Variants in C1orf198 observed in about 807,000 individuals in gnomAD.
C1orf198 encodes the protein chromosome 1 open reading frame 198.
Under a neutral mutation model 31.4 loss-of-function variants are expected in C1orf198, and 17 were observed. The observed-to-expected ratio is 0.54, with a 90% CI of 0.37 to 0.81. C1orf198 has a LOEUF of 0.81. C1orf198 is among the 40% of genes least tolerant of loss of function. The pLI is 0.00. For missense variants in C1orf198, 401 were observed against 450.3 expected (o/e 0.89, Z 0.99); for synonymous variants, 175 against 193.8 (o/e 0.90, Z 0.81).
chr1:230,866,300 A>T (rs1182629485), intron 1 of C1orf198, among the ~76,000 whole-genome samples: 19 of 152,190 alleles, frequency 1.2e-4, no homozygotes, highest in Admixed American at 1.2e-3. Context: ...GTTAAAATTC[A>T]GGGTCTATCT....
chr1:230,869,564 T>C (rs1386253844), upstream of C1orf198: 1 of 152,226 alleles, frequency 6.6e-6, no homozygotes, highest in Non-Finnish European at 1.5e-5. Flanking sequence ...TCCAGGGTCT[T>C]TGCCTGGATA....
chr1:230,859,619 G>A (rs1006161405), intron 1 of C1orf198, among the ~76,000 whole-genome samples: 4 of 152,120 alleles, frequency 2.6e-5, no homozygotes, highest in African/African-American at 9.7e-5. Flanking sequence ...GCTATAGAAA[G>A]CCACCAGAAA....
intron 1 of C1orf198, among the ~76,000 whole-genome samples, chr1:230,864,827 G>A (rs1670081122): frequency 6.6e-6 from 1 of 152,132 alleles, no homozygotes. Context: ...AAGAAGATTG[G>A]GGGCAGGAGC....
chr1:230,863,400 CAGA>C lies in C1orf198; in HGVS notation c.333+4777_333+4779del, dbSNP rs145494789. On this transcript the variant is annotated intron_variant, in intron 1 of 3. Coordinates refer to ENST00000366663, the MANE Select transcript of C1orf198 (RefSeq NM_032800.3). The stretch of plus-strand genomic sequence containing the variant: ...TAGGTCTCATCTTCCTTCATTTATT[CAGA>C]AGAAGAAGAAGAAGAAATAGATATT... Among the ~76,000 whole-genome samples, 71 of 152,226 alleles carry C rather than the reference CAGA, an allele frequency of 4.7e-4. No individual in the cohort carries two copies. The East Asian group carries it at 7.5e-3, about 16-fold the overall frequency.
chr1:230,837,961 T>G lies in C1orf198; in HGVS notation c.*1891A>C, dbSNP rs3748771. 13,210 of 152,302 alleles carry G rather than the reference T, an allele frequency of 0.087. 1,544 individuals are homozygous for G. The highest frequency in any genetic ancestry group is 0.27 in the African/African-American group (11,070 of 41,524). The allele number at this position is 152,302 out of a possible 1,614,324, so 9.4% of individuals were successfully genotyped here. ...CTCCCAATAGAAGAGGCAGATCACC[T>G]TGGCCTACTCTCTAGGACACAGGTC... On this transcript the variant is annotated 3_prime_UTR_variant, in exon 4 of 4. Coordinates refer to ENST00000366663, the MANE Select transcript of C1orf198 (RefSeq NM_032800.3).
chr1:230,845,861 A>G (rs1352264486), intron 2 of C1orf198, among the ~76,000 whole-genome samples: 1 of 152,120 alleles, frequency 6.6e-6, no homozygotes, highest in African/African-American at 2.4e-5. Context: ...AACCATTTTC[A>G]TATATGTGTT....
At chr1:230,855,787 G>A (rs750210292) in intron 1 of C1orf198, 69 bp from the exon 2 acceptor site, 1 of 1,564,388 alleles carries the variant, frequency 6.4e-7, no homozygotes, top group Non-Finnish European at 8.7e-7. Context: ...TATCCACCCA[G>A]GACCGTGGGG....
chr1:230,844,591 C>T (rs1022480839), intron 2 of C1orf198, among the ~76,000 whole-genome samples: 4 of 152,228 alleles, frequency 2.6e-5, no homozygotes, highest in African/African-American at 9.7e-5. Flanking sequence ...TGAGTATTAC[C>T]GATGAGTAAG....
In C1orf198 at chr1:230,838,415, G is replaced by C. The variant is rs1465462393; in HGVS notation, c.*1437C>G. ...CACAGCTTTGGCAGAAACTTTCCTG[G>C]AGATGATGAGGGGTTGAGGTGAGTT... On this transcript the variant is annotated 3_prime_UTR_variant, in exon 4 of 4. Coordinates refer to ENST00000366663, the MANE Select transcript of C1orf198 (RefSeq NM_032800.3). This position sits in a 1 kb window ranked among gnomAD's most constrained non-coding sequence, Gnocchi z 4.2. The C allele has an allele frequency of 6.6e-6, 1 of 152,510 alleles. No homozygotes were observed. The highest frequency in any genetic ancestry group is 1.9e-4 in the East Asian group (1 of 5,192). The allele number at this position is 152,510 out of a possible 1,614,324, so 9.4% of individuals were successfully genotyped here.
intron 2 of C1orf198, among the ~76,000 whole-genome samples, chr1:230,852,360 C>T (rs35918848): frequency 0.11 from 16,870 of 152,090 alleles, 2,185 homozygotes; most frequent in African/African-American, 0.32. Context: ...TGAATGATTT[C>T]AGAGACAGAA....
intron 3 of C1orf198, among the ~76,000 whole-genome samples, chr1:230,842,979 A>G (rs897237125): frequency 2.0e-5 from 3 of 151,878 alleles, no homozygotes; most frequent in African/African-American, 4.8e-5. Context: ...AGTCCTAAAG[A>G]ACAGACCATT....
intron 1 of C1orf198, among the ~76,000 whole-genome samples, chr1:230,860,020 C>A (rs1208283808): frequency 6.6e-6 from 1 of 152,040 alleles, no homozygotes; most frequent in African/African-American, 2.4e-5. Flanking sequence ...TTGGAGCAGG[C>A]CTGCACCAAC....
upstream of C1orf198, chr1:230,869,484 GA>G (rs1190965040): frequency 6.6e-6 from 1 of 152,038 alleles, no homozygotes; most frequent in African/African-American, 2.4e-5. Flanking sequence ...AGACTAACAG[GA>G]CTCAGGTGAG....
intron 2 of C1orf198, among the ~76,000 whole-genome samples, chr1:230,853,637 T>G (rs1669799925): frequency 6.6e-6 from 1 of 152,064 alleles, no homozygotes; most frequent in South Asian, 2.1e-4. Flanking sequence ...GGACACAGAG[T>G]GAGCCCAACA....
intron 2 of C1orf198, among the ~76,000 whole-genome samples, chr1:230,846,488 T>G (rs1669590577): frequency 6.6e-6 from 1 of 152,270 alleles, no homozygotes; most frequent in Non-Finnish European, 1.5e-5. Flanking sequence ...TTTTCCTGTG[T>G]GAAGTGCAGG....
chr1:230,868,660 C>T, upstream of C1orf198: 1 of 583,698 alleles, frequency 1.7e-6, no homozygotes. Flanking sequence ...CCCAGCTCCC[C>T]AAGCCCCGGG....
chr1:230,846,387 G>C (rs1323987277), intron 2 of C1orf198, among the ~76,000 whole-genome samples: 3 of 152,226 alleles, frequency 2.0e-5, no homozygotes, highest in African/African-American at 4.8e-5. Context: ...GGTCTGTTCA[G>C]TCCTTTAAGT....
upstream of C1orf198, chr1:230,868,536 G>A: frequency 7.9e-7 from 1 of 1,266,352 alleles, no homozygotes; most frequent in Non-Finnish European, 1.0e-6. Flanking sequence ...GCCGCTCCCG[G>A]CCCGCGCCCC....
chr1:230,864,886 T>C (rs925434941), intron 1 of C1orf198, among the ~76,000 whole-genome samples: 1 of 152,168 alleles, frequency 6.6e-6, no homozygotes, highest in African/African-American at 2.4e-5. Flanking sequence ...GGTTTTCTCC[T>C]TGCAGATAAC....
Sources: allele counts gnomAD v4.1 joint callset (sites outside exome capture counted in the v4.1 genomes callset), GRCh38; gene constraint gnomAD v4.1.1; non-coding constraint Gnocchi (gnomAD v3.1); transcripts MANE v1.5; gene names NCBI Gene and HGNC (gene_info 2026-07-23, HGNC 2026-07-21).